The following ZC3H11C variants were observed in gnomAD, a reference collection of about 807,000 sequenced individuals.
ZC3H11C encodes zinc finger CCCH-type containing 11C, also known as zinc finger CCCH domain-containing protein 11C.
chr6:65,305,373 G>A, the ZC3H11C span, among the ~76,000 whole-genome samples: 1 of 152,202 alleles, frequency 6.6e-6, no homozygotes, highest in Non-Finnish European at 1.5e-5. Flanking sequence ...GATGAAGACA[G>A]CTGCTACCAT....
chr6:65,301,582 C>T, the ZC3H11C span, among the ~76,000 whole-genome samples: 3 of 152,196 alleles, frequency 2.0e-5, no homozygotes, highest in African/African-American at 4.8e-5. Context: ...ATAGTGTCAT[C>T]GGTTCGGGTC....
At chr6:65,306,485 G>A in the ZC3H11C span, among the ~76,000 whole-genome samples, 8 of 152,036 alleles carry the variant, frequency 5.3e-5, no homozygotes, top group South Asian at 1.0e-3. Flanking sequence ...TACTTATTTC[G>A]CTTTTGGAAT....
the ZC3H11C span, among the ~76,000 whole-genome samples, chr6:65,301,536 C>T: frequency 2.6e-5 from 4 of 152,148 alleles, no homozygotes; most frequent in African/African-American, 9.7e-5. Context: ...AGCGGCCAAG[C>T]GAGAAGAAAG....
the ZC3H11C span, among the ~76,000 whole-genome samples, chr6:65,305,277 G>A: frequency 6.6e-6 from 1 of 152,178 alleles, no homozygotes; most frequent in African/African-American, 2.4e-5. Flanking sequence ...ACTCCTTGAG[G>A]TGTTTGTCAG....
the ZC3H11C span, among the ~76,000 whole-genome samples, chr6:65,302,261 A>T: frequency 6.6e-6 from 1 of 151,904 alleles, no homozygotes; most frequent in Non-Finnish European, 1.5e-5. Flanking sequence ...GAGGAGGAAA[A>T]TTTTTTCTGC....
chr6:65,302,032 C>T, the ZC3H11C span, among the ~76,000 whole-genome samples: 1 of 152,224 alleles, frequency 6.6e-6, no homozygotes, highest in Admixed American at 6.5e-5. Context: ...TTATATTGTT[C>T]AGCTATGGAA....
chr6:65,302,169 A>G, the ZC3H11C span, among the ~76,000 whole-genome samples: 1 of 152,178 alleles, frequency 6.6e-6, no homozygotes, highest in Non-Finnish European at 1.5e-5. Context: ...ATTTGAATGG[A>G]CTTAATCTCC....
the ZC3H11C span, among the ~76,000 whole-genome samples, chr6:65,305,850 T>G: frequency 2.6e-5 from 4 of 152,156 alleles, no homozygotes; most frequent in Non-Finnish European, 5.9e-5. Context: ...ATTTATGTGG[T>G]GGCCTTTAAC....
chr6:65,302,902 C>G, the ZC3H11C span: 1 of 1,613,878 alleles, frequency 6.2e-7, no homozygotes, highest in Non-Finnish European at 8.5e-7. Context: ...AATTGTCTGT[C>G]CAGTCCAATC....
At chr6:65,305,445 A>G in the ZC3H11C span, among the ~76,000 whole-genome samples, 1 of 152,336 alleles carries the variant, frequency 6.6e-6, no homozygotes, top group South Asian at 2.1e-4. Context: ...GTTAGATTGT[A>G]TGTCTTTTTA....
chr6:65,301,792 G>A, the ZC3H11C span, among the ~76,000 whole-genome samples: 1 of 152,212 alleles, frequency 6.6e-6, no homozygotes, highest in Non-Finnish European at 1.5e-5. Context: ...TCCCATAATT[G>A]GTGCGGATTC....
At chr6:65,306,006 GTTTTC>G in the ZC3H11C span, among the ~76,000 whole-genome samples, 3,187 of 152,234 alleles carry the variant, frequency 0.021, 40 homozygotes, top group Non-Finnish European at 0.036. Flanking sequence ...TCTGAATTGA[GTTTTC>G]TTTTCTTGAT....
chr6:65,302,003 A>ATG, the ZC3H11C span, among the ~76,000 whole-genome samples: 2 of 152,236 alleles, frequency 1.3e-5, no homozygotes, highest in Non-Finnish European at 2.9e-5. Context: ...TGAAAAACTG[A>ATG]TTTTTTTTGT....
the ZC3H11C span, among the ~76,000 whole-genome samples, chr6:65,301,640 A>T: frequency 1.3e-5 from 2 of 152,206 alleles, no homozygotes; most frequent in Non-Finnish European, 2.9e-5. Flanking sequence ...AAAGCCACCG[A>T]CCTTATTCCG....
the ZC3H11C span, among the ~76,000 whole-genome samples, chr6:65,302,282 T>C: frequency 6.6e-6 from 1 of 152,206 alleles, no homozygotes; most frequent in Non-Finnish European, 1.5e-5. Context: ...TTCATTATTA[T>C]TAATTCATGG....
At chr6:65,306,427 C>T in the ZC3H11C span, among the ~76,000 whole-genome samples, 3 of 152,046 alleles carry the variant, frequency 2.0e-5, no homozygotes, top group Non-Finnish European at 2.9e-5. Context: ...GTATGATAGC[C>T]CTTCTCCAAA....
chr6:65,305,772 T>C, the ZC3H11C span, among the ~76,000 whole-genome samples: 1 of 152,222 alleles, frequency 6.6e-6, no homozygotes, highest in African/African-American at 2.4e-5. Context: ...TGGCATTGAA[T>C]TAACACAGGG....
the ZC3H11C span, among the ~76,000 whole-genome samples, chr6:65,306,464 C>T: frequency 3.9e-5 from 6 of 152,030 alleles, no homozygotes; most frequent in Non-Finnish European, 8.8e-5. Context: ...CAGGTTTCAC[C>T]ACGGATTTTC....
chr6:65,301,862 A>G, the ZC3H11C span, among the ~76,000 whole-genome samples: 9 of 152,220 alleles, frequency 5.9e-5, no homozygotes, highest in Non-Finnish European at 1.0e-4. Flanking sequence ...CTGGACCTTG[A>G]GAAGGAGGCT....
Sources: gnomAD v4.1 joint callset for allele counts (sites outside exome capture counted in the v4.1 genomes callset) on GRCh38, gnomAD v4.1.1 for gene constraint, MANE v1.5 for transcripts, NCBI Gene and HGNC (gene_info 2026-07-23, HGNC 2026-07-21) for gene names.